The following NFATC2 variants were observed in gnomAD, a reference collection of about 807,000 sequenced individuals.
NFATC2 encodes the protein nuclear factor of activated T-cells, cytoplasmic 2.
A neutral mutation model predicts 87.3 loss-of-function variants in NFATC2; 22 were observed. The observed-to-expected ratio is 0.25, with a 90% CI of 0.18 to 0.36. The LOEUF (loss-of-function observed/expected upper bound fraction) is 0.36, where lower values mean the gene tolerates loss of function less well. Among genes scored for constraint, NFATC2 ranks in the 10% least tolerant of loss-of-function variants. The pLI is 1.00. For missense variants in NFATC2, 1,149 were observed against 1,259.1 expected, an observed-to-expected ratio of 0.91 and a Z score of 1.32; for synonymous variants, 565 against 542.2, an observed-to-expected ratio of 1.04 and a Z score of -0.58.
At chr20:51,554,008 T>C (rs576309533) in intron 1 of NFATC2, among the ~76,000 whole-genome samples, 1 of 152,152 alleles carries the variant, frequency 6.6e-6, no homozygotes, top group African/African-American at 2.4e-5. Flanking sequence ...CCATATTCTT[T>C]GCAGACTCAA....
At chr20:51,396,896 G>A (rs2050929726) in intron 10 of NFATC2, among the ~76,000 whole-genome samples, 1 of 152,112 alleles carries the variant, frequency 6.6e-6, no homozygotes, top group Non-Finnish European at 1.5e-5. Flanking sequence ...CTAAGCAACC[G>A]GGCCTGCTGG....
In NFATC2 at chr20:51,391,469, A is replaced by AG. The variant is rs3830840; in HGVS notation, c.*45-19dup. The AG allele has an allele frequency of 0.34, 360,663 of 1,064,702 alleles. 37,054 individuals carry two copies. The highest frequency in any genetic ancestry group is 0.55 in the African/African-American group (31,120 of 57,010). The allele number at this position is 1,064,702 out of a possible 1,614,324, so 66.0% of individuals were successfully genotyped here. A position where few individuals can be genotyped will look rare whatever the true frequency, so the allele number is the denominator to read the frequency against. On this transcript the variant is annotated intron_variant, in intron 10 of 10. Coordinates refer to ENST00000371564, the MANE Select transcript of NFATC2 (RefSeq NM_012340.5). ...TTCATTAACTACAAAAGAAAAGAGG[A>AG]GGGGGGGGGAGAGAGAATGGGGCAA...
At chr20:51,508,225 TAGA>T (rs766663670) in intron 3 of NFATC2, among the ~76,000 whole-genome samples, 1 of 152,028 alleles carries the variant, frequency 6.6e-6, no homozygotes, top group Non-Finnish European at 1.5e-5. Flanking sequence ...TGTCTTCAGT[TAGA>T]AGATGAGTTA....
chr20:51,418,653 TGTTTG>T lies in NFATC2; in HGVS notation c.2722+13409_2722+13413del, dbSNP rs1276410697. 1.9e-4 allele frequency among the ~76,000 whole-genome samples: 29 copies of T among 150,678 alleles called. 1 individual carries two copies. The East Asian group carries it at 5.7e-3, about 29-fold the overall frequency. On this transcript the variant is annotated intron_variant, in intron 9 of 10. Transcript: ENST00000371564. ...CTGTTTTAGGTTTTCTTTTGTTGTT[TGTTTG>T]GTTTTTTTTTTTTTTTTTTTTTGAG...
Position 51,398,714 on chromosome 20 carries a change from G to A in NFATC2, c.2739C>T (p.His913=), listed in dbSNP as rs754892792. The A allele has an allele frequency of 6.2e-7, 1 of 1,612,152 alleles. No individual in the cohort carries two copies. The highest frequency in any genetic ancestry group is 1.1e-5 in the South Asian group (1 of 90,970). Residue 913 remains histidine, a synonymous_variant, in exon 10 of 11, where the codon CAC becomes CAT. Coordinates refer to ENST00000371564, the MANE Select transcript of NFATC2 (RefSeq NM_012340.5). ...TYLDDELIDT[H]LSWIQNIL ...ATAATATGTTTTGTATCCAGCTAAGGTGTGTGTCTATCAGCTCTGAAAAAG... is the reference window on the plus strand; with the variant it reads ...ATAATATGTTTTGTATCCAGCTAAGATGTGTGTCTATCAGCTCTGAAAAAG...
chr20:51,466,708 G>A (rs1257300640), intron 5 of NFATC2, among the ~76,000 whole-genome samples: 4 of 152,146 alleles, frequency 2.6e-5, no homozygotes, highest in Admixed American at 2.6e-4. Context: ...AATGCAAAAA[G>A]CACTAATCCC....
At chr20:51,444,939 A>C (rs1219682975) in intron 6 of NFATC2, among the ~76,000 whole-genome samples, 5 of 152,030 alleles carry the variant, frequency 3.3e-5, no homozygotes, top group African/African-American at 1.2e-4. Flanking sequence ...TTGATTCCCG[A>C]GTCTCCTGCC....
intron 3 of NFATC2, among the ~76,000 whole-genome samples, chr20:51,501,711 G>A (rs1170175999): frequency 6.6e-6 from 1 of 152,158 alleles, no homozygotes; most frequent in Non-Finnish European, 1.5e-5. Context: ...CTGACAGATT[G>A]TGGAATTACT....
At chr20:51,477,789 A>C (rs1988886244) in intron 3 of NFATC2, among the ~76,000 whole-genome samples, 2 of 151,850 alleles carry the variant, frequency 1.3e-5, no homozygotes, top group South Asian at 4.1e-4. Context: ...CACCTGCCAA[A>C]AGGCAAAGTT....
At position 51,562,600 on chromosome 20, in the gene NFATC2, C is replaced by T. The variant is rs1601030882; in HGVS notation, c.30G>A (p.Gly10=). 3.2e-6 allele frequency: 5 copies of T among 1,551,306 alleles called. No homozygotes were observed. In the East Asian group the frequency reaches 9.8e-5, roughly 30 times the overall value. Residue 10 remains glycine (G), a synonymous_variant, in exon 1 of 11, where the codon GGG becomes GGA. Transcript: ENST00000414705. This position sits in a 1 kb window ranked among gnomAD's most constrained non-coding sequence, Gnocchi z 5.8. ...CCATGATGCGGAGGGGATGGCAGTGCCCCAGTCTGAACGCAGCCTCTCTCT... is the reference window on the plus strand; with the variant it reads ...CCATGATGCGGAGGGGATGGCAGTGTCCCAGTCTGAACGCAGCCTCTCTCT...
In NFATC2 at chr20:51,524,176, A is replaced by G. The variant is rs972523091; in HGVS notation, c.131-66T>C. 26 of 1,337,484 alleles carry G rather than the reference A, an allele frequency of 1.9e-5. No individual in the cohort carries two copies. The highest frequency in any genetic ancestry group is 6.4e-5 in the South Asian group (3 of 46,526). The allele number at this position is 1,337,484 out of a possible 1,614,324, so 82.9% of individuals were successfully genotyped here. A position where few individuals can be genotyped will look rare whatever the true frequency, so the allele number is the denominator to read the frequency against. On this transcript the variant is annotated intron_variant, in intron 1 of 10. Transcript: ENST00000371564. The surrounding 1 kb of genome is among the most constrained non-coding windows in gnomAD (Gnocchi z 4.0). ...AAAACAGAACTCCCGGTGCAGAGCA[A>G]TCACAGGCTGGATTTCGTCTCACGT...
intron 6 of NFATC2, among the ~76,000 whole-genome samples, chr20:51,439,691 G>A (rs1266955829): frequency 6.6e-6 from 1 of 152,142 alleles, no homozygotes; most frequent in African/African-American, 2.4e-5. Context: ...AGCCTTCCTG[G>A]CCATGTCCTG....
intron 3 of NFATC2, among the ~76,000 whole-genome samples, chr20:51,507,557 A>T (rs2076204759): frequency 6.6e-6 from 1 of 152,232 alleles, no homozygotes; most frequent in African/African-American, 2.4e-5. Flanking sequence ...TAGCATCCTA[A>T]CTATGCTCAA....
At chr20:51,412,708 T>C (rs905266806) in intron 9 of NFATC2, among the ~76,000 whole-genome samples, 14 of 151,954 alleles carry the variant, frequency 9.2e-5, no homozygotes, top group Non-Finnish European at 2.9e-5. Flanking sequence ...CCTCATACTC[T>C]CTGCCAGCTG....
chr20:51,553,675 C>CAAA (rs35610887), intron 1 of NFATC2, among the ~76,000 whole-genome samples: 8 of 104,818 alleles, frequency 7.6e-5, no homozygotes, highest in South Asian at 7.2e-4. Flanking sequence ...GACTCCATCT[C>CAAA]AAAAAAAAAA....
chr20:51,475,011 C>T (rs991306105), intron 4 of NFATC2, among the ~76,000 whole-genome samples: 3 of 151,244 alleles, frequency 2.0e-5, no homozygotes, highest in Non-Finnish European at 2.9e-5. Context: ...CTCTGTCACC[C>T]AGGCTGGAGT....
chr20:51,477,533 G>GTGTGTATA (rs1203933981), intron 3 of NFATC2, among the ~76,000 whole-genome samples: 15 of 68,542 alleles, frequency 2.2e-4, no homozygotes, highest in South Asian at 1.0e-3. Flanking sequence ...GTGTGTGTGT[G>GTGTGTATA]TCTATATATA....
intron 1 of NFATC2, among the ~76,000 whole-genome samples, chr20:51,550,270 G>A (rs181908938): frequency 1.1e-4 from 16 of 152,208 alleles, no homozygotes; most frequent in African/African-American, 3.9e-4. Flanking sequence ...CATTCCAAAA[G>A]AGTAAGACCC....
rs1600810367 is a variant in NFATC2, at chr20:51,470,481, G to A, written c.1708+3499C>T. On this transcript the variant is annotated intron_variant, in intron 5 of 10. Coordinates refer to ENST00000371564, the MANE Select transcript of NFATC2 (RefSeq NM_012340.5). ...TCCACCTTCCAAAGAGCTGCCTCTG[G>A]TAGTTTGTTCATGTTGTTTCTGCTA... is the stretch of plus-strand genomic sequence containing the variant. Among the ~76,000 whole-genome samples the A allele has an allele frequency of 2.6e-5, 4 of 152,262 alleles. No homozygotes were observed. The South Asian group carries it at 8.3e-4, about 32-fold the overall frequency.
Sources: allele counts gnomAD v4.1 joint callset (sites outside exome capture counted in the v4.1 genomes callset), GRCh38; gene constraint gnomAD v4.1.1; non-coding constraint Gnocchi (gnomAD v3.1); transcripts MANE v1.5; gene names NCBI Gene and HGNC (gene_info 2026-07-23, HGNC 2026-07-21).